Variants in GPAM observed in about 807,000 individuals in gnomAD.
GPAM encodes the protein glycerol-3-phosphate acyltransferase, mitochondrial.
Under a neutral mutation model 105.0 loss-of-function variants are expected in GPAM, and 56 were observed. The ratio of observed to expected loss-of-function variants is 0.53; its 90% CI spans 0.43 to 0.67. The LOEUF is 0.67. Ranked by LOEUF, GPAM falls within the 30% of genes least tolerant of loss-of-function variation. The pLI is 0.00. For missense variants in GPAM, 855 were observed against 989.8 expected, an observed-to-expected ratio of 0.86 and a Z score of 1.83; for synonymous variants, 368 against 354.4, an observed-to-expected ratio of 1.04 and a Z score of -0.43.
chr10:112,193,363 T>C (rs548974176), intron 1 of GPAM, among the ~76,000 whole-genome samples: 17 of 152,276 alleles, frequency 1.1e-4, no homozygotes, highest in South Asian at 2.1e-4. Flanking sequence ...AACAGGGAGA[T>C]ACCATGACTT....
At position 112,160,111 on chromosome 10, in the gene GPAM, A is replaced by G; in HGVS notation, c.1760-58T>C. On this transcript the variant is annotated intron_variant, in intron 16 of 21. Transcript: ENST00000348367. Reference sequence around the variant, plus strand: ...GCTCAAAGTCTCCAAGAAAAACTTCAACTGGCTTGAATAACCTTAAGAGAT... The same window carrying G: ...GCTCAAAGTCTCCAAGAAAAACTTCGACTGGCTTGAATAACCTTAAGAGAT... The G allele has an allele frequency of 2.0e-6, 3 of 1,514,128 alleles. No homozygotes were observed. In the Admixed American group the frequency reaches 5.0e-5, roughly 25 times the overall value. The allele number at this position is 1,514,128 out of a possible 1,614,324, so 93.8% of individuals were successfully genotyped here. A position where few individuals can be genotyped will look rare whatever the true frequency, so the allele number is the denominator to read the frequency against.
At chr10:112,210,831 G>A (rs916630362) in intron 1 of GPAM, among the ~76,000 whole-genome samples, 4 of 152,230 alleles carry the variant, frequency 2.6e-5, no homozygotes, top group Admixed American at 2.6e-4. Flanking sequence ...TGTGTGCTGT[G>A]CAGAGGGAAC....
At chr10:112,161,594 G>A in intron 15 of GPAM, 73 bp downstream of exon 15, 1 of 1,254,250 alleles carries the variant, frequency 8.0e-7, no homozygotes, top group Non-Finnish European at 1.2e-6. Flanking sequence ...ATCTGCCCCT[G>A]AGTATGTATC....
At chr10:112,169,090 C>T in intron 9 of GPAM, 138 bp from the exon 10 acceptor site, 2 of 640,246 alleles carry the variant, frequency 3.1e-6, no homozygotes, top group Admixed American at 5.0e-5. Context: ...AAAATGCAGG[C>T]ATTTTTTTCA....
In GPAM at chr10:112,199,089, A is replaced by ATGTGTGTGTGTGTGTGTG. The variant is rs34627276; in HGVS notation, n.210+16061_210+16078dup. ...AGACACACGCCGCCACGCCTGGCTA[A>ATGTGTGTGTGTGTGTGTG]TGTGTGTGTGTGTGTGTGTGTGTGT... is the stretch of plus-strand genomic sequence containing the variant. On this transcript the variant is annotated intron_variant and non_coding_transcript_variant, in intron 1 of 3. Transcript: ENST00000480130. 5.9e-5 allele frequency among the ~76,000 whole-genome samples: 8 copies of ATGTGTGTGTGTGTGTGTG among 134,974 alleles called. No homozygotes were observed. The East Asian group carries it at 6.7e-4, about 11-fold the overall frequency. 88.5% of individuals were successfully genotyped at this position (134,974 alleles called of 152,430 possible).
chr10:112,201,533 A>T (rs1847796967), intron 1 of GPAM, among the ~76,000 whole-genome samples: 1 of 152,078 alleles, frequency 6.6e-6, no homozygotes, highest in South Asian at 2.1e-4. Flanking sequence ...GACCATCCCC[A>T]GCTCATCACT....
chr10:112,158,732 T>C (rs1847064535), intron 17 of GPAM, among the ~76,000 whole-genome samples: 1 of 152,250 alleles, frequency 6.6e-6, no homozygotes, highest in Non-Finnish European at 1.5e-5. Flanking sequence ...TCTTTTACTT[T>C]ATAAGACAAT....
rs1020027496 is a variant in GPAM, at chr10:112,150,000, T to C, written c.*3550A>G. The stretch of plus-strand genomic sequence containing the variant: ...ATCGCAGTTATTTCACAGTACCTTA[T>C]AGTAATTCTTTTCACGAGTCTTAAC... On this transcript the variant is annotated 3_prime_UTR_variant, in exon 22 of 22. Transcript: ENST00000348367. 1.6e-5 allele frequency: 16 copies of C among 983,694 alleles called. No individual in the cohort carries two copies. In the Admixed American group the frequency reaches 3.1e-4, roughly 19 times the overall value. 60.9% of individuals were successfully genotyped at this position (983,694 alleles called of 1,614,324 possible).
intron 1 of GPAM, among the ~76,000 whole-genome samples, chr10:112,192,883 A>G (rs571883290): frequency 2.6e-5 from 4 of 152,332 alleles, no homozygotes; most frequent in South Asian, 2.1e-4. Context: ...GCAATGATTC[A>G]GGAGCTATGT....
At chr10:112,202,513 G>A (rs1447830515) in intron 1 of GPAM, among the ~76,000 whole-genome samples, 1 of 152,158 alleles carries the variant, frequency 6.6e-6, no homozygotes, top group Non-Finnish European at 1.5e-5. Flanking sequence ...GTTCTAATAG[G>A]AATTATGACT....
Position 112,163,789 on chromosome 10 carries a change from T to A in GPAM, c.1335A>T (p.Arg445Ser). 1 of 1,594,932 alleles carries A rather than the reference T, an allele frequency of 6.3e-7. No homozygotes were observed. The highest frequency in any genetic ancestry group is 8.6e-7 in the Non-Finnish European group (1 of 1,162,442). ...SRPSDAADEG[R>S]DTSINESRNA... Reference sequence around the variant, plus strand: ...TTCTGGACTCATTAATGGACGTGTCTCTACCTTCATCAGCAGCATCACTGG... The same window carrying A: ...TTCTGGACTCATTAATGGACGTGTCACTACCTTCATCAGCAGCATCACTGG... Residue 445 changes from arginine (R) to serine (S), a missense_variant, in exon 14 of 22, where the codon AGA becomes AGT. Physicochemically the swap from Arg to Ser is moderately radical, Grantham distance 110. Coordinates refer to ENST00000348367, the MANE Select transcript of GPAM (RefSeq NM_001244949.2).
chr10:112,153,720 T>A (rs1846962479), intron 21 of GPAM, 54 bp from the exon 22 acceptor site: 4 of 1,586,716 alleles, frequency 2.5e-6, no homozygotes, highest in African/African-American at 2.7e-5. Context: ...ATAAAAAAAA[T>A]TTCCATTACC....
chr10:112,175,728 TA>T lies in GPAM; in HGVS notation c.300-16del. On this transcript the variant is annotated splice_polypyrimidine_tract_variant and intron_variant, in intron 5 of 21. Coordinates refer to ENST00000348367, the MANE Select transcript of GPAM (RefSeq NM_001244949.2). ...ATCCGCGGTGTCTGTGAAAATGATT[TA>T]GCAGAGAAGTATTAGAGGTACCCCT... 6.6e-7 allele frequency: 1 copy of T among 1,525,566 alleles called. No individual in the cohort carries two copies. The allele number at this position is 1,525,566 out of a possible 1,614,324, so 94.5% of individuals were successfully genotyped here.
chr10:112,179,956 A>G lies in GPAM; in HGVS notation c.225+517T>C, dbSNP rs138107448. Among the ~76,000 whole-genome samples, 70 of 152,248 alleles carry G rather than the reference A, an allele frequency of 4.6e-4. 1 individual carries two copies. The East Asian group carries it at 0.013, about 27-fold the overall frequency. ...GATATTGCATGGCTTGTGTTTTTTC[A>G]CCAAAATACAAACAACAAACCCATA... On this transcript the variant is annotated intron_variant, in intron 4 of 21. Coordinates refer to ENST00000348367, the MANE Select transcript of GPAM (RefSeq NM_001244949.2).
rs747200815 is a variant in GPAM, at chr10:112,158,342, G to T, written c.1954C>A (p.Gln652Lys). ...TCTGCCACTGTAAGAATGCCATACT[G>T]GATAAACTTTCCTACTGTTTCATGG... is the stretch of plus-strand genomic sequence containing the variant. ...VCHETVGKFI[Q>K]YGILTVAEHD... The change falls in exon 18 of 22, where the codon CAG becomes AAG. Residue 652 changes from glutamine (Q) to lysine (K), a missense_variant. Gln to Lys is a moderately conservative substitution (Grantham distance 53). Coordinates refer to ENST00000348367, the MANE Select transcript of GPAM (RefSeq NM_001244949.2). The T allele has an allele frequency of 1.2e-5, 20 of 1,602,086 alleles. No homozygotes were observed. In the East Asian group the frequency reaches 3.8e-4, roughly 30 times the overall value.
At chr10:112,166,302 A>G in intron 12 of GPAM, 100 bp downstream of exon 12, 1 of 767,124 alleles carries the variant, frequency 1.3e-6, no homozygotes. Context: ...AGCAAACTGC[A>G]GCCCCAAGTC....
intron 2 of GPAM, among the ~76,000 whole-genome samples, chr10:112,182,377 T>C (rs1201914543): frequency 6.6e-6 from 1 of 152,200 alleles, no homozygotes; most frequent in African/African-American, 2.4e-5. Context: ...AATACAAAGG[T>C]AATACAAAGC....
rs930557782 is a variant in GPAM at position 112,152,015 on chromosome 10, T to G, written c.*1535A>C. 17 of 977,514 alleles carry G rather than the reference T, an allele frequency of 1.7e-5. No homozygotes were observed. The highest frequency in any genetic ancestry group is 2.1e-5 in the Non-Finnish European group (17 of 822,828). The allele number at this position is 977,514 out of a possible 1,614,324, so 60.6% of individuals were successfully genotyped here. ...GCATTATTGCTATGAGTTTCAAACATGGTATTTCATACAATGTGAAATATC... is the reference window on the plus strand; with the variant it reads ...GCATTATTGCTATGAGTTTCAAACAGGGTATTTCATACAATGTGAAATATC... On this transcript the variant is annotated 3_prime_UTR_variant, in exon 22 of 22. Coordinates refer to ENST00000348367, the MANE Select transcript of GPAM (RefSeq NM_001244949.2).
chr10:112,221,058 T>C, the GPAM span, among the ~76,000 whole-genome samples: 2 of 152,192 alleles, frequency 1.3e-5, no homozygotes, highest in Non-Finnish European at 2.9e-5. Context: ...AATATTGCCA[T>C]GGGAAAATGT....
Sources: allele counts gnomAD v4.1 joint callset (sites outside exome capture counted in the v4.1 genomes callset), GRCh38; gene constraint gnomAD v4.1.1; transcripts MANE v1.5; gene names NCBI Gene and HGNC (gene_info 2026-07-23, HGNC 2026-07-21).